Variants in ZNF487 observed in about 807,000 individuals in gnomAD.
The protein encoded by ZNF487 is KRAB domain only 1.
In ZNF487, 4 loss-of-function variants were observed where a neutral mutation model predicts 3.0. That is an observed-to-expected ratio of 1.35 (90% CI 0.66 to 3.08). The LOEUF (loss-of-function observed/expected upper bound fraction) is 3.08, where lower values mean the gene tolerates loss of function less well. ZNF487 is among the 30% of genes most tolerant of loss of function. ZNF487 has a pLI of 0.01. For synonymous variants in ZNF487, 55 were observed against 34.6 expected, an observed-to-expected ratio of 1.59 and a Z score of -2.06; for missense variants, 146 against 98.7, an observed-to-expected ratio of 1.48 and a Z score of -2.03.
chr10:43,522,077 C>T, the ZNF487 span, among the ~76,000 whole-genome samples: 5 of 152,148 alleles, frequency 3.3e-5, no homozygotes, highest in Non-Finnish European at 1.5e-5. Flanking sequence ...ATCTTGTTTC[C>T]ATAGCCTACA....
chr10:43,515,523 C>T, the ZNF487 span, among the ~76,000 whole-genome samples: 1 of 152,184 alleles, frequency 6.6e-6, no homozygotes, highest in Non-Finnish European at 1.5e-5. Context: ...TCATCAGGGT[C>T]CTCCCACACA....
chr10:43,446,726 AG>A (rs995985074), intron 1 of ZNF487, among the ~76,000 whole-genome samples: 16 of 150,956 alleles, frequency 1.1e-4, no homozygotes, highest in African/African-American at 3.2e-4. Flanking sequence ...TGCCGGGCAG[AG>A]GGGCTCCTCA....
At chr10:43,483,243 T>G (rs1187435375), downstream of ZNF487, 1 of 377,860 alleles carries the variant, frequency 2.6e-6, no homozygotes, top group Non-Finnish European at 5.1e-6. Flanking sequence ...TTTCTTTTCT[T>G]GTTGTTACTT....
chr10:43,482,192 A>G lies in ZNF487; in HGVS notation c.*270A>G. ...TAGTAGACATTTGGAAGTATTCTGCAAGAAGCCAAATTTCACTCAACATCA... is the reference window on the plus strand; with the variant it reads ...TAGTAGACATTTGGAAGTATTCTGCGAGAAGCCAAATTTCACTCAACATCA... On this transcript the variant is annotated 3_prime_UTR_variant, in exon 4 of 4. Coordinates refer to ENST00000437590, the MANE Select transcript of ZNF487 (RefSeq NM_001355444.3). 2.0e-6 allele frequency: 1 copy of G among 509,194 alleles called. No individual in the cohort carries two copies. Among genetic ancestry groups the G allele is most frequent in the Non-Finnish European group, 3.5e-6 (1 of 282,296 alleles). The allele number at this position is 509,194 out of a possible 1,614,324, so 31.5% of individuals were successfully genotyped here. A position where few individuals can be genotyped will look rare whatever the true frequency, so the allele number is the denominator to read the frequency against.
intron 1 of ZNF487, among the ~76,000 whole-genome samples, chr10:43,446,852 G>A (rs1368568908): frequency 6.6e-6 from 1 of 152,172 alleles, no homozygotes; most frequent in Non-Finnish European, 1.5e-5. Flanking sequence ...CGGCTGGGAG[G>A]TGGTGGTTGT....
the ZNF487 span, among the ~76,000 whole-genome samples, chr10:43,521,201 T>C: frequency 6.6e-6 from 1 of 152,214 alleles, no homozygotes; most frequent in Admixed American, 6.5e-5. Context: ...CCTGCCAGCC[T>C]CTGCCCACAT....
chr10:43,440,873 TTTG>T (rs1839574958), intron 1 of ZNF487, among the ~76,000 whole-genome samples: 2 of 151,866 alleles, frequency 1.3e-5, no homozygotes, highest in South Asian at 2.1e-4. Flanking sequence ...GGACTTTTTT[TTTG>T]TTGTTTGTTT....
the ZNF487 span, among the ~76,000 whole-genome samples, chr10:43,498,108 T>A: frequency 0.012 from 112 of 9,692 alleles, 1 homozygote; most frequent in East Asian, 0.053. Context: ...TATTTTTTTT[T>A]TTTTTCTTTT....
At chr10:43,478,650 T>C (rs1293459007) in intron 3 of ZNF487, among the ~76,000 whole-genome samples, 2 of 152,138 alleles carry the variant, frequency 1.3e-5, no homozygotes, top group East Asian at 3.9e-4. Flanking sequence ...GCCCAGGAGT[T>C]TGAAGCTGCA....
At position 43,479,971 on chromosome 10, in the gene ZNF487, TTTTCTTTCTTTCCTTCTTTCTTTC is replaced by T. The variant is rs1289527354; in HGVS notation, c.131-1445_131-1422del. ...GCACCTGACTCTCTTTCTTTCTTTC[TTTTCTTTCTTTCCTTCTTTCTTTC>T]TTTCTTTCTTTCTTTCTTTCTTTCT... On this transcript the variant is annotated intron_variant, in intron 3 of 3. Transcript: ENST00000437590. 8.8e-5 allele frequency among the ~76,000 whole-genome samples: 11 copies of T among 125,122 alleles called. 1 individual carries two copies. Among genetic ancestry groups the T allele is most frequent in the African/African-American group, 3.5e-4 (10 of 28,698 alleles). 82.1% of individuals were successfully genotyped at this position (125,122 alleles called of 152,430 possible). A position where few individuals can be genotyped will look rare whatever the true frequency, so the allele number is the denominator to read the frequency against.
At chr10:43,504,293 C>CTTTTTTT in the ZNF487 span, among the ~76,000 whole-genome samples, 60 of 108,942 alleles carry the variant, frequency 5.5e-4, no homozygotes, top group Middle Eastern at 6.1e-3. Flanking sequence ...TTCTTTCTTT[C>CTTTTTTT]TTTTTTTTTT....
At chr10:43,477,624 GA>G (rs1841149157) in intron 3 of ZNF487, among the ~76,000 whole-genome samples, 1 of 148,410 alleles carries the variant, frequency 6.7e-6, no homozygotes, top group South Asian at 2.1e-4. Flanking sequence ...AAATGGAAAA[GA>G]AAAAAATTAA....
intron 1 of ZNF487, among the ~76,000 whole-genome samples, chr10:43,446,188 T>TTCTCAA (rs1839791637): frequency 1.3e-5 from 2 of 152,210 alleles, no homozygotes; most frequent in Admixed American, 6.6e-5. Context: ...CAATGAGCTG[T>TTCTCAA]TGGGTACACC....
chr10:43,466,083 C>A (rs910769042), intron 1 of ZNF487, among the ~76,000 whole-genome samples: 1 of 152,020 alleles, frequency 6.6e-6, no homozygotes, highest in Non-Finnish European at 1.5e-5. Flanking sequence ...AGGCACTCGG[C>A]AGGCTGAAGC....
chr10:43,465,548 C>T (rs1162014124), intron 1 of ZNF487, among the ~76,000 whole-genome samples: 14 of 146,934 alleles, frequency 9.5e-5, no homozygotes, highest in African/African-American at 2.8e-4. Context: ...ACATCCCTGA[C>T]GGGGCGGCGG....
At chr10:43,441,994 A>T (rs565061361) in intron 1 of ZNF487, among the ~76,000 whole-genome samples, 49 of 152,298 alleles carry the variant, frequency 3.2e-4, no homozygotes, top group African/African-American at 7.5e-4. Flanking sequence ...TGGGAGGTAG[A>T]GGCGGGAAAA....
At chr10:43,488,215 T>C in the ZNF487 span, among the ~76,000 whole-genome samples, 1 of 152,136 alleles carries the variant, frequency 6.6e-6, no homozygotes, top group African/African-American at 2.4e-5. Flanking sequence ...AATAAAACTT[T>C]GGACTTAAGA....
chr10:43,513,829 C>A, the ZNF487 span, among the ~76,000 whole-genome samples: 1 of 152,132 alleles, frequency 6.6e-6, no homozygotes, highest in Non-Finnish European at 1.5e-5. Context: ...TCTATAAGCC[C>A]CTACTTTAAC....
chr10:43,496,135 C>G, the ZNF487 span: 1 of 528,100 alleles, frequency 1.9e-6, no homozygotes, highest in South Asian at 1.4e-5. Flanking sequence ...GCCTCCTCAT[C>G]TCAGTGGGTA....
Sources: gnomAD v4.1 joint callset for allele counts (sites outside exome capture counted in the v4.1 genomes callset) on GRCh38, gnomAD v4.1.1 for gene constraint, MANE v1.5 for transcripts, NCBI Gene and HGNC (gene_info 2026-07-23, HGNC 2026-07-21) for gene names.